The following PRAMEF17 variants were observed in gnomAD, a reference collection of about 807,000 sequenced individuals.
PRAMEF17 encodes the protein PRAME family member 17.
In PRAMEF17, 48 loss-of-function variants were observed where a neutral mutation model predicts 36.8. That is an observed-to-expected ratio of 1.30 (90% CI 1.03 to 1.66). The LOEUF is 1.66. Ranked by LOEUF, PRAMEF17 falls within the 40% of genes most tolerant of loss-of-function variation. PRAMEF17 has a pLI of 0.00. For missense variants in PRAMEF17, 639 were observed against 560.6 expected (o/e 1.14, Z -1.41); for synonymous variants, 246 against 220.4 (o/e 1.12, Z -1.03).
chr1:13,390,309 C>T lies in PRAMEF17; in HGVS notation c.288-32C>T, dbSNP rs571212820. 3 of 1,611,990 alleles carry T rather than the reference C, an allele frequency of 1.9e-6. No homozygotes were observed. The South Asian group carries it at 3.3e-5, about 18-fold the overall frequency. ...CAGGTCAGGGGTGGGTCTTTGCCTA[C>T]ATTCTGAGCTTTTCCCCTATGTTAC... On this transcript the variant is annotated intron_variant, in intron 1 of 2. Coordinates refer to ENST00000376098, the MANE Select transcript of PRAMEF17 (RefSeq NM_001099851.3).
chr1:13,390,402 T>C lies in PRAMEF17; in HGVS notation c.349T>C (p.Ser117Pro). Reference protein sequence around the residue: ...DVDGNFWTIWSGARALSCSPE... With the variant: ...DVDGNFWTIWPGARALSCSPE... ...TGATGGGAATTTCTGGACTATATGG[T>C]CTGGAGCCAGGGCCCTCTCCTGCTC... Residue 117 changes from serine to proline, a missense_variant, in exon 2 of 3, where the codon TCT (serine) becomes CCT (proline). Physicochemically the swap from Ser to Pro is moderately conservative, Grantham distance 74. Transcript: ENST00000376098. 6.2e-7 allele frequency: 1 copy of C among 1,611,936 alleles called. No individual in the cohort carries two copies. Among genetic ancestry groups the C allele is most frequent in the Non-Finnish European group, 8.5e-7 (1 of 1,179,822 alleles).
chr1:13,390,256 C>T (rs866418670), intron 1 of PRAMEF17, 85 bp from the exon 2 acceptor site: 162,287 of 1,581,764 alleles, frequency 0.1, 7,920 homozygotes, highest in East Asian at 0.18. Context: ...GAGCAGCTGA[C>T]TGATGTCCTG....
At position 13,390,334 on chromosome 1, in the gene PRAMEF17, C is replaced by T; in HGVS notation, c.288-7C>T. The T allele has an allele frequency of 6.2e-7, 1 of 1,611,974 alleles. No individual in the cohort carries two copies. On this transcript the variant is annotated splice_region_variant and splice_polypyrimidine_tract_variant and intron_variant, in intron 1 of 2. Coordinates refer to ENST00000376098, the MANE Select transcript of PRAMEF17 (RefSeq NM_001099851.3). The stretch of plus-strand genomic sequence containing the variant: ...CATTCTGAGCTTTTCCCCTATGTTA[C>T]TCACAGGAGGTGGAAACTTCAAGTG...
In PRAMEF17 at chr1:13,392,508, G is replaced by T. The variant is rs1481858895; in HGVS notation, c.*6G>T. On this transcript the variant is annotated 3_prime_UTR_variant, in exon 3 of 3. Coordinates refer to ENST00000376098, the MANE Select transcript of PRAMEF17 (RefSeq NM_001099851.3). ...ACTTCCATCTTTGCTCTTAGTGAAGGCCTGATTAGTGGGATGGATATGCTT... is the reference window on the plus strand; with the variant it reads ...ACTTCCATCTTTGCTCTTAGTGAAGTCCTGATTAGTGGGATGGATATGCTT... 1.2e-6 allele frequency: 2 copies of T among 1,611,938 alleles called. No individual in the cohort carries two copies. Among genetic ancestry groups the T allele is most frequent in the East Asian group, 2.2e-5 (1 of 44,866 alleles).
intron 2 of PRAMEF17, among the ~76,000 whole-genome samples, chr1:13,391,457 A>T (rs1286252440): frequency 3.9e-5 from 6 of 152,118 alleles, no homozygotes; most frequent in Non-Finnish European, 8.8e-5. Context: ...AGTAGGCAGG[A>T]GAGTGGTATA....
Position 13,390,846 on chromosome 1 carries a change from T to C in PRAMEF17, c.793T>C (p.Cys265Arg). 6.2e-7 allele frequency: 1 copy of C among 1,612,052 alleles called. No individual in the cohort carries two copies. The highest frequency in any genetic ancestry group is 8.5e-7 in the Non-Finnish European group (1 of 1,179,866). The change falls in exon 2 of 3, where the codon TGC becomes CGC. Residue 265 changes from cysteine (C) to arginine (R), a missense_variant. Transcript: ENST00000376098. ...FVPDLDCPFL[C>R]LYYPQMLYIR... ...TCCTGACTTGGACTGTCCATTCCTCTGCCTGTACTACCCTCAGATGCTTTA... is the reference window on the plus strand; with the variant it reads ...TCCTGACTTGGACTGTCCATTCCTCCGCCTGTACTACCCTCAGATGCTTTA...
intron 2 of PRAMEF17, among the ~76,000 whole-genome samples, chr1:13,391,742 G>T (rs889125685): frequency 2.0e-5 from 3 of 152,184 alleles, no homozygotes; most frequent in African/African-American, 7.2e-5. Context: ...GCAGCACCTT[G>T]CACGCAGACC....
rs779838231 is a variant in PRAMEF17, at chr1:13,390,530, A to C, written c.477A>C (p.Thr159=). The C allele has an allele frequency of 7.3e-5, 117 of 1,609,878 alleles. No homozygotes were observed. In the East Asian group the frequency reaches 2.6e-3, roughly 36 times the overall value. The change falls in exon 2 of 3, where the codon ACA becomes ACC. Residue 159 remains threonine, a synonymous_variant. Transcript: ENST00000376098. ...VFIDLCQKES[T]LDECLSYLCR... is the part of the protein sequence containing the mutation. ...TAGACCTCTGCCAAAAGGAAAGTAC[A>C]CTGGATGAATGCCTGAGCTACCTCT...
Position 13,392,052 on chromosome 1 carries a change from G to A in PRAMEF17, c.975G>A (p.Leu325=), listed in dbSNP as rs1441922963. 3 of 1,611,712 alleles carry A rather than the reference G, an allele frequency of 1.9e-6. No individual in the cohort carries two copies. The highest frequency in any genetic ancestry group is 1.3e-5 in the African/African-American group (1 of 74,820). ...CAAGCCTCAGTCAGCTAAAGGAGCT[G>A]CATCTGATTCATATCCTAATGTGGA... is the stretch of plus-strand genomic sequence containing the variant. ...QYPSLSQLKE[L]HLIHILMWTT... is the part of the protein sequence containing the mutation. Residue 325 remains leucine (L), a synonymous_variant, in exon 3 of 3, where the codon CTG becomes CTA. Coordinates refer to ENST00000376098, the MANE Select transcript of PRAMEF17 (RefSeq NM_001099851.3).
At chr1:13,390,161 G>C (rs529033103) in intron 1 of PRAMEF17, among the ~76,000 whole-genome samples, 180 bp from the exon 2 acceptor site, 2 of 152,062 alleles carry the variant, frequency 1.3e-5, no homozygotes, top group Non-Finnish European at 2.9e-5. Context: ...CCCAGTGGAA[G>C]GTAAAGGTTC....
rs1341448225 is a variant in PRAMEF17 at position 13,389,872 on chromosome 1, C to T, written c.215C>T (p.Thr72Ile). 1.5e-5 allele frequency: 24 copies of T among 1,613,490 alleles called. No homozygotes were observed. Among genetic ancestry groups the T allele is most frequent in the African/African-American group, 4.0e-5 (3 of 74,896 alleles). ...LRLPLGSLMK[T>I]PHLETLQAVL... The stretch of plus-strand genomic sequence containing the variant: ...CTCCCTCTGGGATCCCTGATGAAGA[C>T]ACCTCATCTGGAGACCTTGCAAGCT... Residue 72 changes from threonine to isoleucine, a missense_variant, in exon 1 of 3, where the codon ACA becomes ATA. Physicochemically the swap from Thr to Ile is moderately conservative, Grantham distance 89. Coordinates refer to ENST00000376098, the MANE Select transcript of PRAMEF17 (RefSeq NM_001099851.3).
chr1:13,392,077 A>T lies in PRAMEF17; in HGVS notation c.1000A>T (p.Thr334Ser). 1 of 1,611,778 alleles carries T rather than the reference A, an allele frequency of 6.2e-7. No individual in the cohort carries two copies. The highest frequency in any genetic ancestry group is 1.3e-5 in the African/African-American group (1 of 74,950). The change falls in exon 3 of 3, where the codon ACT (threonine) becomes TCT (serine). Residue 334 changes from threonine to serine, a missense_variant. By Grantham distance (58) the Thr-to-Ser change is moderately conservative. Coordinates refer to ENST00000376098, the MANE Select transcript of PRAMEF17 (RefSeq NM_001099851.3). ...ELHLIHILMW[T>S]TNLEPLGALL... Reference sequence around the variant, plus strand: ...GCATCTGATTCATATCCTAATGTGGACTACCAATCTTGAGCCCCTTGGAGC... The same window carrying T: ...GCATCTGATTCATATCCTAATGTGGTCTACCAATCTTGAGCCCCTTGGAGC...
rs1428117935 is a variant in PRAMEF17, at chr1:13,390,777, G to A, written c.724G>A (p.Gly242Ser). The change falls in exon 2 of 3, where the codon GGT becomes AGT. Residue 242 changes from glycine (G) to serine (S), a missense_variant. By Grantham distance (56) the Gly-to-Ser change is moderately conservative (BLOSUM62 0). Coordinates refer to ENST00000376098, the MANE Select transcript of PRAMEF17 (RefSeq NM_001099851.3). The part of the protein sequence containing the change: ...SNLRKLFLAF[G>S]YDDELYVSGQ... ...TCTTCGCAAACTCTTTTTAGCCTTC[G>A]GTTATGACGATGAGTTATATGTAAG... is the stretch of plus-strand genomic sequence containing the variant. The A allele has an allele frequency of 1.1e-4, 185 of 1,611,966 alleles. No individual in the cohort carries two copies. The highest frequency in any genetic ancestry group is 1.8e-4 in the South Asian group (16 of 90,980).
At chr1:13,391,491 C>T (rs1158491238) in intron 2 of PRAMEF17, among the ~76,000 whole-genome samples, 1 of 152,126 alleles carries the variant, frequency 6.6e-6, no homozygotes, top group Non-Finnish European at 1.5e-5. Flanking sequence ...TTTGCAGACA[C>T]GGGCATGTCA....
Position 13,390,774 on chromosome 1 carries a change from T to C in PRAMEF17, c.721T>C (p.Phe241Leu). 6.2e-7 allele frequency: 1 copy of C among 1,612,020 alleles called. No individual in the cohort carries two copies. Among genetic ancestry groups the C allele is most frequent in the Non-Finnish European group, 8.5e-7 (1 of 1,179,852 alleles). The change falls in exon 2 of 3, where the codon TTC becomes CTC. Residue 241 changes from phenylalanine to leucine, a missense_variant. Transcript: ENST00000376098. ...CAATCTTCGCAAACTCTTTTTAGCC[T>C]TCGGTTATGACGATGAGTTATATGT... ...MSNLRKLFLAFGYDDELYVSG... is the reference protein window; with the variant it reads ...MSNLRKLFLALGYDDELYVSG...
In PRAMEF17 at chr1:13,392,562, A is replaced by G. The variant is rs1640900780; in HGVS notation, c.*60A>G. 6.3e-7 allele frequency: 1 copy of G among 1,595,848 alleles called. No homozygotes were observed. The highest frequency in any genetic ancestry group is 8.5e-7 in the Non-Finnish European group (1 of 1,174,718). On this transcript the variant is annotated 3_prime_UTR_variant, in exon 3 of 3. Transcript: ENST00000376098. ...TCAGGACCCTTAGGCACTAAAATCTAGGACACAGGTGGGTTTTTTTGTTTT... is the reference window on the plus strand; with the variant it reads ...TCAGGACCCTTAGGCACTAAAATCTGGGACACAGGTGGGTTTTTTTGTTTT...
intron 2 of PRAMEF17, 22 bp downstream of exon 2, chr1:13,390,941 T>C: frequency 2.5e-6 from 4 of 1,611,818 alleles, no homozygotes; most frequent in Non-Finnish European, 3.4e-6. Flanking sequence ...TGGTGAGCTT[T>C]CTCTGCAGAC....
At position 13,390,785 on chromosome 1, in the gene PRAMEF17, C is replaced by T. The variant is rs1310035376; in HGVS notation, c.732C>T (p.Asp244=). The change falls in exon 2 of 3, where the codon GAC becomes GAT. Residue 244 remains aspartate (D), a synonymous_variant. Transcript: ENST00000376098. ...LRKLFLAFGY[D]DELYVSGQQQ... is the part of the protein sequence containing the mutation. ...AACTCTTTTTAGCCTTCGGTTATGACGATGAGTTATATGTAAGCGGCCAAC... is the reference window on the plus strand; with the variant it reads ...AACTCTTTTTAGCCTTCGGTTATGATGATGAGTTATATGTAAGCGGCCAAC... The T allele has an allele frequency of 8.7e-6, 14 of 1,611,968 alleles. No homozygotes were observed. The highest frequency in any genetic ancestry group is 2.3e-4 in the Middle Eastern group (1 of 4,430).
In PRAMEF17 at chr1:13,392,583, G is replaced by GT. The variant is rs911137327; in HGVS notation, c.*88dup. On this transcript the variant is annotated 3_prime_UTR_variant, in exon 3 of 3. Coordinates refer to ENST00000376098, the MANE Select transcript of PRAMEF17 (RefSeq NM_001099851.3). ...ATCTAGGACACAGGTGGGTTTTTTT[G>GT]TTTTTTTGTTTTTTTTTTGATGGAG... The GT allele has an allele frequency of 1.8e-5, 28 of 1,562,114 alleles. No individual in the cohort carries two copies. Among genetic ancestry groups the GT allele is most frequent in the African/African-American group, 8.5e-5 (6 of 70,486 alleles).
Sources: allele counts gnomAD v4.1 joint callset (sites outside exome capture counted in the v4.1 genomes callset), GRCh38; gene constraint gnomAD v4.1.1; transcripts MANE v1.5; gene names NCBI Gene and HGNC (gene_info 2026-07-23, HGNC 2026-07-21).